DMD: variants seen among roughly 807,000 people sequenced by gnomAD.
The protein encoded by DMD is mutant dystrophin.
DMD carries 63 observed loss-of-function variants against 330.1 expected under a neutral mutation model. The ratio of observed to expected loss-of-function variants is 0.19; its 90% CI spans 0.16 to 0.24. The LOEUF (loss-of-function observed/expected upper bound fraction) is 0.24. Among genes scored for constraint, DMD ranks in the 10% least tolerant of loss-of-function variants. The pLI is 1.00. For missense variants in DMD, 3,344 were observed against 2,684.1 expected (o/e 1.25, Z -5.43); for synonymous variants, 1,223 against 959.8 (o/e 1.27, Z -5.07).
intron 53 of DMD, among the ~76,000 whole-genome samples, chrX:31,660,098 T>C: frequency 8.9e-6 from 1 of 112,098 alleles, no homozygotes; most frequent in Non-Finnish European, 1.9e-5. Flanking sequence ...ATATAGCAAA[T>C]AGACCCAGAT....
intron 2 of DMD, among the ~76,000 whole-genome samples, chrX:33,003,615 C>A (rs960688048): frequency 9.0e-6 from 1 of 110,597 alleles, no homozygotes; most frequent in Non-Finnish European, 1.9e-5. Context: ...TCTTTTTGTC[C>A]GTTTTTTTAA....
At chrX:33,168,779 T>C (rs1011243058) in intron 1 of DMD, among the ~76,000 whole-genome samples, 39 of 110,319 alleles carry the variant, frequency 3.5e-4, no homozygotes, top group African/African-American at 1.3e-3. Context: ...GAGAAACTTT[T>C]GATGATCATG....
At chrX:31,274,219 A>AT (rs1237849662) in intron 62 of DMD, among the ~76,000 whole-genome samples, 5 of 111,839 alleles carry the variant, frequency 4.5e-5, no homozygotes, top group South Asian at 7.5e-4. Flanking sequence ...GAAAAGTAAG[A>AT]TTTTTTTTGT....
At chrX:32,886,123 T>C (rs1324057992) in intron 2 of DMD, among the ~76,000 whole-genome samples, 1 of 111,371 alleles carries the variant, frequency 9.0e-6, no homozygotes, top group East Asian at 2.8e-4. Flanking sequence ...TATAAAATCA[T>C]TTTATCATTA....
At chrX:32,367,967 A>C (rs1460097328) in intron 34 of DMD, among the ~76,000 whole-genome samples, 1 of 112,213 alleles carries the variant, frequency 8.9e-6, no homozygotes, top group Non-Finnish European at 1.9e-5. Context: ...ATAAGGAACC[A>C]GTATTCAATC....
At chrX:32,925,328 A>C (rs2088901145) in intron 2 of DMD, among the ~76,000 whole-genome samples, 1 of 109,897 alleles carries the variant, frequency 9.1e-6, no homozygotes, top group Non-Finnish European at 1.9e-5. Context: ...AAACCACAAC[A>C]TTGTATTCCG....
At chrX:32,216,309 A>C (rs1404367763) in intron 44 of DMD, among the ~76,000 whole-genome samples, 1 of 112,156 alleles carries the variant, frequency 8.9e-6, no homozygotes, top group East Asian at 2.8e-4. Flanking sequence ...TTCAAAGGAC[A>C]CCACAAGTTG....
chrX:32,080,639 A>T (rs770757814), intron 44 of DMD, among the ~76,000 whole-genome samples: 1 of 112,045 alleles, frequency 8.9e-6, no homozygotes, highest in East Asian at 2.8e-4. Context: ...GGAAGAATGA[A>T]CGGCTTGACT....
intron 2 of DMD, among the ~76,000 whole-genome samples, chrX:32,879,747 G>T (rs193117718): frequency 5.3e-4 from 59 of 111,521 alleles, no homozygotes; most frequent in African/African-American, 1.9e-3. Flanking sequence ...TAAAAAGGAT[G>T]ATCAGCTGGA....
At chrX:31,669,343 T>C (rs764347563) in intron 53 of DMD, among the ~76,000 whole-genome samples, 15 of 112,366 alleles carry the variant, frequency 1.3e-4, no homozygotes, top group Non-Finnish European at 2.3e-4. Context: ...GATTGTAATA[T>C]GCATTTCCCC....
chrX:32,206,474 A>G, intron 44 of DMD: 2 of 554,372 alleles, frequency 3.6e-6, no homozygotes, highest in Non-Finnish European at 6.3e-6. Context: ...AAAATGCACA[A>G]AAGTCAAATC....
chrX:32,833,676 G>A (rs1277823079), intron 4 of DMD, among the ~76,000 whole-genome samples: 1 of 82,301 alleles, frequency 1.2e-5, no homozygotes, highest in Non-Finnish European at 2.3e-5. Flanking sequence ...CTCAAGTCAC[G>A]TATACTAATT....
At chrX:31,640,904 T>C (rs146859166) in intron 54 of DMD, among the ~76,000 whole-genome samples, 4 of 112,063 alleles carry the variant, frequency 3.6e-5, no homozygotes, top group Non-Finnish European at 7.5e-5. Flanking sequence ...TGCTGAAGAT[T>C]TGCTCAGATA....
chrX:32,628,118 A>G (rs1419137407), intron 11 of DMD, among the ~76,000 whole-genome samples: 2 of 108,815 alleles, frequency 1.8e-5, no homozygotes, highest in Non-Finnish European at 3.8e-5. Context: ...CTGTCGTGCT[A>G]TCAAATACTA....
intron 7 of DMD, among the ~76,000 whole-genome samples, chrX:32,738,500 A>G (rs774858363): frequency 3.6e-5 from 4 of 111,860 alleles, no homozygotes; most frequent in Non-Finnish European, 7.5e-5. Context: ...GTAAGGCTTA[A>G]ATAAGAAACT....
chrX:31,422,167 G>A (rs950407426), intron 60 of DMD, among the ~76,000 whole-genome samples: 3 of 106,658 alleles, frequency 2.8e-5, no homozygotes, highest in African/African-American at 6.9e-5. Context: ...CACCACACCC[G>A]GCTAAATGTT....
chrX:32,648,669 C>T (rs2059932049), intron 9 of DMD, among the ~76,000 whole-genome samples: 2 of 111,639 alleles, frequency 1.8e-5, no homozygotes, highest in Admixed American at 9.6e-5. Flanking sequence ...AAGAAATTTG[C>T]CTGAATTCTA....
intron 62 of DMD, among the ~76,000 whole-genome samples, chrX:31,291,595 A>C (rs1420435470): frequency 8.9e-6 from 1 of 111,953 alleles, no homozygotes; most frequent in East Asian, 2.8e-4. Flanking sequence ...CAAAAGAAGA[A>C]ATAGAAAATT....
intron 43 of DMD, among the ~76,000 whole-genome samples, chrX:32,261,752 C>T (rs1318385957): frequency 9.0e-6 from 1 of 110,902 alleles, no homozygotes; most frequent in Non-Finnish European, 1.9e-5. Flanking sequence ...AGAATGTTTG[C>T]GACTGTTTTT....
Sources: gnomAD v4.1 joint callset for allele counts (sites outside exome capture counted in the v4.1 genomes callset) on GRCh38, gnomAD v4.1.1 for gene constraint, MANE v1.5 for transcripts, NCBI Gene and HGNC (gene_info 2026-07-23, HGNC 2026-07-21) for gene names.